PTPRU: variants seen among roughly 807,000 people sequenced by gnomAD.
PTPRU encodes receptor-type tyrosine-protein phosphatase U.
PTPRU carries 69 observed loss-of-function variants against 166.3 expected under a neutral mutation model. That is an observed-to-expected ratio of 0.41 (90% CI 0.34 to 0.51). The LOEUF (loss-of-function observed/expected upper bound fraction) is 0.51. Among genes scored for constraint, PTPRU ranks in the 20% least tolerant of loss-of-function variants. The pLI, the probability that PTPRU is intolerant of heterozygous loss-of-function variation, is 0.09. For missense variants in PTPRU, 1,657 were observed against 2,013.7 expected, an observed-to-expected ratio of 0.82 and a Z score of 3.39; for synonymous variants, 793 against 814.0, an observed-to-expected ratio of 0.97 and a Z score of 0.44.
At position 29,284,147 on chromosome 1, in the gene PTPRU, G is replaced by A. The variant is rs1008742021; in HGVS notation, c.2179+171G>A. ...TTTCCATGTGCCCTACCTCAAGGGC[G>A]CCTTCTCCCAGGGTGACAGCAGGGG... On this transcript the variant is annotated intron_variant, in intron 13 of 29. Coordinates refer to ENST00000373779, the MANE Select transcript of PTPRU (RefSeq NM_133178.4). Among the ~76,000 whole-genome samples, 3 of 152,124 alleles carry A rather than the reference G, an allele frequency of 2.0e-5. No homozygotes were observed. The South Asian group carries it at 6.2e-4, about 32-fold the overall frequency.
In PTPRU at chr1:29,320,476, C is replaced by A; in HGVS notation, c.3688-209C>A. ...CTGTTTAGTTCTGGGGGGTCATGGG[C>A]TTGGTCCCCAGAGGCCTGGGCCCAC... On this transcript the variant is annotated intron_variant, in intron 25 of 29. Coordinates refer to ENST00000373779, the MANE Select transcript of PTPRU (RefSeq NM_133178.4). The surrounding 1 kb of genome is among the most constrained non-coding windows in gnomAD (Gnocchi z 5.2). 2.2e-6 allele frequency: 1 copy of A among 448,712 alleles called. No individual in the cohort carries two copies. The highest frequency in any genetic ancestry group is 3.8e-6 in the Non-Finnish European group (1 of 264,610). The allele number at this position is 448,712 out of a possible 1,614,324, so 27.8% of individuals were successfully genotyped here.
chr1:29,325,002 T>C (rs1688340816), intron 28 of PTPRU, among the ~76,000 whole-genome samples, 189 bp from the exon 29 acceptor site: 1 of 151,556 alleles, frequency 6.6e-6, no homozygotes, highest in Non-Finnish European at 1.5e-5. Flanking sequence ...TCCTCTAGGC[T>C]CTCGGGCCCC....
intron 22 of PTPRU, among the ~76,000 whole-genome samples, chr1:29,314,376 T>G (rs1358379601): frequency 6.6e-6 from 1 of 152,152 alleles, no homozygotes; most frequent in Non-Finnish European, 1.5e-5. Flanking sequence ...TTTGGGGTAT[T>G]CAGTTGCTGT....
chr1:29,258,829 A>T, intron 3 of PTPRU, 53 bp downstream of exon 3: 7 of 1,525,286 alleles, frequency 4.6e-6, no homozygotes, highest in Non-Finnish European at 5.3e-6. Flanking sequence ...GGGCAGATGG[A>T]TGTCAAATTG....
Position 29,303,859 on chromosome 1 carries a change from C to G in PTPRU, c.2481C>G (p.Asp827Glu). The G allele has an allele frequency of 6.2e-7, 1 of 1,604,554 alleles. No homozygotes were observed. The highest frequency in any genetic ancestry group is 8.5e-7 in the Non-Finnish European group (1 of 1,172,756). The change falls in exon 16 of 30, where the codon GAC becomes GAG. Residue 827 changes from aspartate (D) to glutamate (E), a missense_variant. Coordinates refer to ENST00000373779, the MANE Select transcript of PTPRU (RefSeq NM_133178.4). ...TTTGTCTTTCTCTGACTGCAGGAGA[C>G]CAGCGCAGCGGTGGGGTCACTGAGG... ...MDTHGYSTRG[D>E]QRSGGVTEAS... is the part of the protein sequence containing the mutation.
intron 15 of PTPRU, among the ~76,000 whole-genome samples, chr1:29,294,315 A>G (rs1454546908): frequency 1.3e-5 from 2 of 152,226 alleles, no homozygotes; most frequent in African/African-American, 4.8e-5. Flanking sequence ...CATTTCACTG[A>G]TGACTAATGA....
At chr1:29,319,365 A>T (rs1688045599) in intron 25 of PTPRU, among the ~76,000 whole-genome samples, 1 of 152,100 alleles carries the variant, frequency 6.6e-6, no homozygotes, top group African/African-American at 2.4e-5. Flanking sequence ...TGGGTGGGTT[A>T]TCACGTGGAA....
rs1574621573 is a variant in PTPRU, at chr1:29,259,334, A to C, written c.551A>C (p.Tyr184Ser). 1 of 1,613,744 alleles carries C rather than the reference A, an allele frequency of 6.2e-7. No homozygotes were observed. The highest frequency in any genetic ancestry group is 2.2e-5 in the East Asian group (1 of 44,840). ...CTAGATGACATCCTGCTTCTCAGCT[A>C]CCCCTGCGGTGAGTCCCAGCCCACT... ...MGLDDILLLSYPCAKAPHFSR... is the reference protein window; with the variant it reads ...MGLDDILLLSSPCAKAPHFSR... The change falls in exon 4 of 30, where the codon TAC (tyrosine) becomes TCC (serine). Residue 184 changes from tyrosine to serine, a missense_variant. Around this residue, in one of 3 missense-constraint regions of PTPRU, gnomAD observed 453 missense variants for 496.9 expected, o/e 0.91. Coordinates refer to ENST00000373779, the MANE Select transcript of PTPRU (RefSeq NM_133178.4).
chr1:29,268,514 C>T (rs1193916172), intron 7 of PTPRU, among the ~76,000 whole-genome samples: 1 of 152,140 alleles, frequency 6.6e-6, no homozygotes, highest in Admixed American at 6.5e-5. Context: ...GTTCATAGTG[C>T]TGAGGTTGAG....
intron 1 of PTPRU, among the ~76,000 whole-genome samples, chr1:29,244,403 A>C (rs754596560): frequency 6.6e-6 from 1 of 150,758 alleles, no homozygotes; most frequent in Admixed American, 6.6e-5. Context: ...GGTGGATGAT[A>C]GAACAAGGAG....
At chr1:29,259,829 G>C in intron 5 of PTPRU, 41 bp from the exon 6 acceptor site, 1 of 1,499,450 alleles carries the variant, frequency 6.7e-7, no homozygotes, top group Non-Finnish European at 8.9e-7. Context: ...GGGACCCCTC[G>C]CTCCGAGGCG....
At chr1:29,310,815 T>C in intron 19 of PTPRU, 35 bp downstream of exon 19, 1 of 1,604,646 alleles carries the variant, frequency 6.2e-7, no homozygotes, top group Non-Finnish European at 8.5e-7. Flanking sequence ...CGCCTTCCCA[T>C]GTGCCTCCCA....
At chr1:29,321,234 T>G (rs1557490419) in intron 26 of PTPRU, among the ~76,000 whole-genome samples, 2 of 144,238 alleles carry the variant, frequency 1.4e-5, no homozygotes, top group Admixed American at 1.4e-4. Context: ...AGAGACAAGG[T>G]CTCACTGTGT....
rs902354595 is a variant in PTPRU, at chr1:29,265,072, A to G, written c.1144+4169A>G. ...GTAAAGCTTCTGTGAGCATTCATACAGAGGTTTTTGCATGAACATAACTTT... is the reference window on the plus strand; with the variant it reads ...GTAAAGCTTCTGTGAGCATTCATACGGAGGTTTTTGCATGAACATAACTTT... On this transcript the variant is annotated intron_variant, in intron 7 of 29. Transcript: ENST00000373779. 9.2e-5 allele frequency among the ~76,000 whole-genome samples: 14 copies of G among 152,214 alleles called. No homozygotes were observed. The East Asian group carries it at 9.6e-4, about 10-fold the overall frequency.
In PTPRU at chr1:29,236,655, C is replaced by G; in HGVS notation, c.11C>G (p.Ala4Gly). The G allele has an allele frequency of 7.0e-7, 1 of 1,422,566 alleles. No individual in the cohort carries two copies. The highest frequency in any genetic ancestry group is 9.2e-7 in the Non-Finnish European group (1 of 1,086,210). 88.1% of individuals were successfully genotyped at this position (1,422,566 alleles called of 1,614,324 possible). Residue 4 changes from alanine to glycine, a missense_variant, in exon 1 of 30, where the codon GCC (alanine) becomes GGC (glycine). Coordinates refer to ENST00000373779, the MANE Select transcript of PTPRU (RefSeq NM_133178.4). This position sits in a 1 kb window ranked among gnomAD's most constrained non-coding sequence, Gnocchi z 4.6. The part of the protein sequence containing the change: MAR[A>G]QALVLALTFQ... ...GGCGACGCTCCAACCATGGCCCGTG[C>G]CCAGGCGCTCGTGCTGGCACTCACC...
At chr1:29,290,585 GTC>G (rs1557454993) in intron 14 of PTPRU, among the ~76,000 whole-genome samples, 1 of 152,198 alleles carries the variant, frequency 6.6e-6, no homozygotes, top group African/African-American at 2.4e-5. Context: ...AGGACAGTGG[GTC>G]TCTCACCTCC....
At chr1:29,298,997 A>C (rs1687020261) in intron 15 of PTPRU, among the ~76,000 whole-genome samples, 1 of 152,352 alleles carries the variant, frequency 6.6e-6, no homozygotes, top group South Asian at 2.1e-4. Context: ...TGCTAATTGC[A>C]AACAGTGGAG....
At chr1:29,246,517 C>T (rs572881662) in intron 1 of PTPRU, among the ~76,000 whole-genome samples, 12 of 152,346 alleles carry the variant, frequency 7.9e-5, no homozygotes, top group African/African-American at 2.9e-4. Flanking sequence ...TGCCCAGGGC[C>T]TCTACCCTGC....
At chr1:29,324,530 G>C (rs1688313817) in intron 28 of PTPRU, among the ~76,000 whole-genome samples, 1 of 152,164 alleles carries the variant, frequency 6.6e-6, no homozygotes, top group African/African-American at 2.4e-5. Context: ...GTTTGTGCCT[G>C]TGTGCCCACG....
Sources: allele counts gnomAD v4.1 joint callset (sites outside exome capture counted in the v4.1 genomes callset), GRCh38; gene constraint gnomAD v4.1.1; regional missense constraint gnomAD v4.1.1; non-coding constraint Gnocchi (gnomAD v3.1); transcripts MANE v1.5; gene names NCBI Gene and HGNC (gene_info 2026-07-23, HGNC 2026-07-21).